PTPRG: variants seen among roughly 807,000 people sequenced by gnomAD.
PTPRG encodes protein tyrosine phosphatase receptor type G, also known as receptor-type tyrosine-protein phosphatase gamma.
In PTPRG, 102 loss-of-function variants were observed where a neutral mutation model predicts 165.3. The ratio of observed to expected loss-of-function variants is 0.62; its 90% CI spans 0.53 to 0.73. The LOEUF (loss-of-function observed/expected upper bound fraction) is 0.73, where lower values mean the gene tolerates loss of function less well. Ranked by LOEUF, PTPRG falls within the 30% of genes least tolerant of loss-of-function variation. PTPRG has a pLI of 0.00. For synonymous variants in PTPRG, 675 were observed against 669.5 expected, an observed-to-expected ratio of 1.01 and a Z score of -0.13; for missense variants, 1,866 against 1,861.4, an observed-to-expected ratio of 1.00 and a Z score of -0.05.
intron 24 of PTPRG, chr3:62,276,705 G>A: frequency 2.2e-6 from 1 of 447,324 alleles, no homozygotes; most frequent in African/African-American, 2.0e-5. Flanking sequence ...TCCATATAAA[G>A]TATTCTGTTA....
chr3:62,148,041 G>C (rs750722382), intron 6 of PTPRG, among the ~76,000 whole-genome samples: 40 of 152,202 alleles, frequency 2.6e-4, no homozygotes, highest in Non-Finnish European at 4.8e-4. Context: ...AGCTACTCGG[G>C]AGGCTGAGGC....
intron 2 of PTPRG, among the ~76,000 whole-genome samples, chr3:61,851,591 G>T (rs2036965375): frequency 6.6e-6 from 1 of 152,148 alleles, no homozygotes; most frequent in Non-Finnish European, 1.5e-5. Context: ...GGAAAAATGG[G>T]TTGTTTGAAT....
chr3:62,143,340 C>A (rs1197329722), intron 6 of PTPRG, among the ~76,000 whole-genome samples: 1 of 152,066 alleles, frequency 6.6e-6, no homozygotes, highest in African/African-American at 2.4e-5. Flanking sequence ...AAAAATGAAT[C>A]CTGAGGCAGA....
intron 2 of PTPRG, among the ~76,000 whole-genome samples, chr3:61,952,895 T>C (rs1210132613): frequency 2.0e-5 from 3 of 152,204 alleles, no homozygotes; most frequent in Non-Finnish European, 4.4e-5. Flanking sequence ...GCTTCAAGTT[T>C]ACCCTCTTGT....
chr3:62,275,575 A>C (rs1031639782), intron 23 of PTPRG, among the ~76,000 whole-genome samples: 2 of 152,198 alleles, frequency 1.3e-5, no homozygotes, highest in African/African-American at 4.8e-5. Context: ...GCAGCCTGGG[A>C]AACACAGGAA....
In PTPRG at chr3:61,577,681, A is replaced by G. The variant is rs756571431; in HGVS notation, c.85+15309A>G. On this transcript the variant is annotated intron_variant, in intron 1 of 29. Transcript: ENST00000474889. ...CATGTGGCTCGCATTTGTAGCTCGCATTGTATTTTTATCGGACGGCACTGG... is the reference window on the plus strand; with the variant it reads ...CATGTGGCTCGCATTTGTAGCTCGCGTTGTATTTTTATCGGACGGCACTGG... Among the ~76,000 whole-genome samples, 11 of 152,228 alleles carry G rather than the reference A, an allele frequency of 7.2e-5. No individual in the cohort carries two copies. The East Asian group carries it at 7.7e-4, about 11-fold the overall frequency.
rs553279701 is a variant in PTPRG, at chr3:61,888,521, C to T, written c.191-101104C>T. Among the ~76,000 whole-genome samples, 29 of 152,094 alleles carry T rather than the reference C, an allele frequency of 1.9e-4. 1 individual carries two copies. In the South Asian group the frequency reaches 4.2e-3, roughly 22 times the overall value. ...AATTTTTTTGTATTTTTAGTAGAGA[C>T]GGGGTTTCACCGTGTTAGCCAGGAT... is the stretch of plus-strand genomic sequence containing the variant. On this transcript the variant is annotated intron_variant, in intron 2 of 29. Transcript: ENST00000474889.
chr3:62,195,217 C>A lies in PTPRG; in HGVS notation c.1327+47C>A. On this transcript the variant is annotated intron_variant, in intron 10 of 29. Transcript: ENST00000474889. The surrounding 1 kb of genome is among the most constrained non-coding windows in gnomAD (Gnocchi z 4.4). ...GTGGCCGGGGTGCCCCTGAGACTCC[C>A]TCCCAATGCTTTCTGCTTCTTCCTG... The A allele has an allele frequency of 6.7e-7, 1 of 1,490,666 alleles. No homozygotes were observed. The highest frequency in any genetic ancestry group is 9.4e-7 in the Non-Finnish European group (1 of 1,068,136). The allele number at this position is 1,490,666 out of a possible 1,614,324, so 92.3% of individuals were successfully genotyped here.
intron 2 of PTPRG, among the ~76,000 whole-genome samples, chr3:61,885,661 CCTCTCCTCTCCTCTCCTCT>C (rs1340472968): frequency 6.6e-4 from 20 of 30,076 alleles, no homozygotes; most frequent in South Asian, 1.1e-3. Context: ...TTCCTTCTCT[CCTCTCCTCTCCTCTCCTCT>C]CCTCTCCTCT....
chr3:62,223,293 G>C (rs1350353442), intron 13 of PTPRG, among the ~76,000 whole-genome samples: 1 of 152,172 alleles, frequency 6.6e-6, no homozygotes, highest in Non-Finnish European at 1.5e-5. Flanking sequence ...CACATAGCCT[G>C]GATTTGGAGC....
At chr3:61,875,527 G>A (rs1203901896) in intron 2 of PTPRG, among the ~76,000 whole-genome samples, 2 of 152,168 alleles carry the variant, frequency 1.3e-5, no homozygotes, top group African/African-American at 4.8e-5. Flanking sequence ...CGGCTTGAAA[G>A]AGATGTTTGC....
intron 1 of PTPRG, among the ~76,000 whole-genome samples, chr3:61,668,646 G>A (rs1290495467): frequency 6.6e-6 from 1 of 152,084 alleles, no homozygotes; most frequent in East Asian, 1.9e-4. Context: ...AATGTGTAAG[G>A]CTTTAATTGG....
At chr3:62,080,160 CG>C (rs1409696790) in intron 5 of PTPRG, among the ~76,000 whole-genome samples, 1 of 151,236 alleles carries the variant, frequency 6.6e-6, no homozygotes, top group East Asian at 1.9e-4. Context: ...CTCCGCCTCC[CG>C]GGTTCAGGTG....
chr3:61,578,808 C>T (rs1418053257), intron 1 of PTPRG, among the ~76,000 whole-genome samples: 1 of 152,186 alleles, frequency 6.6e-6, no homozygotes, highest in African/African-American at 2.4e-5. Flanking sequence ...GGGAAAACCC[C>T]ATCCCTGTTT....
intron 1 of PTPRG, among the ~76,000 whole-genome samples, chr3:61,676,638 C>T (rs774707286): frequency 1.3e-5 from 2 of 151,672 alleles, no homozygotes; most frequent in African/African-American, 4.8e-5. Flanking sequence ...TAACGTGTTG[C>T]GGTTGCATGT....
chr3:61,672,547 G>C (rs1283743480), intron 1 of PTPRG, among the ~76,000 whole-genome samples: 1 of 143,820 alleles, frequency 7.0e-6, no homozygotes. Flanking sequence ...GCGAAACCCC[G>C]TCTCCACCAA....
intron 2 of PTPRG, among the ~76,000 whole-genome samples, chr3:61,933,385 T>C (rs2039408239): frequency 6.6e-6 from 1 of 152,212 alleles, no homozygotes; most frequent in African/African-American, 2.4e-5. Flanking sequence ...TCATTAAATA[T>C]GTTGTGAACA....
chr3:61,868,079 C>T (rs913177135), intron 2 of PTPRG, among the ~76,000 whole-genome samples: 15 of 152,184 alleles, frequency 9.9e-5, no homozygotes, highest in African/African-American at 4.8e-5. Context: ...ATAAGCCCCT[C>T]CCCACATTCT....
intron 2 of PTPRG, among the ~76,000 whole-genome samples, chr3:61,907,089 CAT>C (rs1187320145): frequency 2.0e-5 from 3 of 152,088 alleles, no homozygotes; most frequent in Non-Finnish European, 4.4e-5. Context: ...TTTGGGGTAA[CAT>C]ATTCTGTCAC....
Sources: gnomAD v4.1 joint callset for allele counts (sites outside exome capture counted in the v4.1 genomes callset) on GRCh38, gnomAD v4.1.1 for gene constraint, Gnocchi (gnomAD v3.1) non-coding constraint, MANE v1.5 for transcripts, NCBI Gene and HGNC (gene_info 2026-07-23, HGNC 2026-07-21) for gene names.